DIAPH1: variants seen among roughly 807,000 people sequenced by gnomAD.
The protein encoded by DIAPH1 is protein diaphanous homolog 1.
Under a neutral mutation model 140.7 loss-of-function variants are expected in DIAPH1, and 46 were observed. The ratio of observed to expected loss-of-function variants is 0.33; its 90% CI spans 0.26 to 0.42. The LOEUF is 0.42. Among genes scored for constraint, DIAPH1 ranks in the 10% least tolerant of loss-of-function variants. The probability of loss-of-function intolerance (pLI) is 1.00; values close to 1 mark genes in which losing one functional copy is unlikely to be tolerated. For missense variants in DIAPH1, 1,310 were observed against 1,558.7 expected, an observed-to-expected ratio of 0.84 and a Z score of 2.69; for synonymous variants, 565 against 551.6, an observed-to-expected ratio of 1.02 and a Z score of -0.34.
At chr5:141,573,117 A>C (rs1233992399) in intron 16 of DIAPH1, among the ~76,000 whole-genome samples, 1 of 152,174 alleles carries the variant, frequency 6.6e-6, no homozygotes, top group Non-Finnish European at 1.5e-5. Flanking sequence ...CAAAATACAA[A>C]GTAGAAAACT....
chr5:141,565,771 A>C lies in DIAPH1; in HGVS notation c.2482+5657T>G, dbSNP rs1040320130. Among the ~76,000 whole-genome samples the C allele has an allele frequency of 2.0e-5, 3 of 152,202 alleles. No individual in the cohort carries two copies. The highest frequency in any genetic ancestry group is 4.4e-5 in the Non-Finnish European group (3 of 68,034). On this transcript the variant is annotated intron_variant, in intron 18 of 27. Coordinates refer to ENST00000389054, the MANE Select transcript of DIAPH1 (RefSeq NM_005219.5). This position sits in a 1 kb window ranked among gnomAD's most constrained non-coding sequence, Gnocchi z 4.3. ...GAGTGCCTGGCAGTATCAAGGGCCA[A>C]GCAACTTCACAAATTAAGCAGAGGA...
chr5:141,596,128 G>A (rs2099899282), intron 1 of DIAPH1, among the ~76,000 whole-genome samples: 1 of 152,156 alleles, frequency 6.6e-6, no homozygotes, highest in Non-Finnish European at 1.5e-5. Context: ...AGGAGATCGA[G>A]ACCATCCTGG....
chr5:141,564,903 CA>C (rs2099894143), intron 18 of DIAPH1: 1 of 152,168 alleles, frequency 6.6e-6, no homozygotes, highest in East Asian at 1.9e-4. Flanking sequence ...ACTAAAACAA[CA>C]TATCACTTTT....
chr5:141,571,628 C>G (rs1158172772), intron 17 of DIAPH1, among the ~76,000 whole-genome samples, 192 bp from the exon 18 acceptor site: 1 of 152,188 alleles, frequency 6.6e-6, no homozygotes, highest in Non-Finnish European at 1.5e-5. Flanking sequence ...GTGCCAGAAT[C>G]TGTTCAAAAG....
intron 18 of DIAPH1, among the ~76,000 whole-genome samples, chr5:141,543,740 A>G (rs2099890356): frequency 1.3e-5 from 2 of 152,216 alleles, no homozygotes; most frequent in Admixed American, 1.3e-4. Flanking sequence ...TTCGACTCAC[A>G]ATGGCTTTCA....
chr5:141,564,512 T>A (rs1280266094), intron 18 of DIAPH1: 1 of 152,240 alleles, frequency 6.6e-6, no homozygotes, highest in Non-Finnish European at 1.5e-5. Flanking sequence ...CCCTTAAATC[T>A]CCAATAGTAA....
intron 18 of DIAPH1, among the ~76,000 whole-genome samples, chr5:141,539,793 A>C (rs1213012320): frequency 2.0e-5 from 3 of 151,916 alleles, no homozygotes; most frequent in Non-Finnish European, 4.4e-5. Flanking sequence ...CTACTCTTTC[A>C]TTCTGATTCA....
rs756918018 is a variant in DIAPH1 at position 141,618,763 on chromosome 5, G to T, written c.117+35C>A. 7 of 1,476,990 alleles carry T rather than the reference G, an allele frequency of 4.7e-6. No homozygotes were observed. The East Asian group carries it at 1.8e-4, about 37-fold the overall frequency. 91.5% of individuals were successfully genotyped at this position (1,476,990 alleles called of 1,614,324 possible). A position where few individuals can be genotyped will look rare whatever the true frequency, so the allele number is the denominator to read the frequency against. On this transcript the variant is annotated intron_variant, in intron 1 of 27. Transcript: ENST00000389054. ...TGCAGGGGTCCAGAGGGCGGTTACG[G>T]GGCCAGGCAGGAGCGGGATGGGAGG...
At chr5:141,561,183 T>C (rs772925099) in intron 18 of DIAPH1, among the ~76,000 whole-genome samples, 2 of 152,082 alleles carry the variant, frequency 1.3e-5, no homozygotes, top group East Asian at 1.9e-4. Flanking sequence ...GAGAGTGCCG[T>C]ATCTTCCCAT....
intron 18 of DIAPH1, among the ~76,000 whole-genome samples, chr5:141,568,455 C>T (rs932033554): frequency 1.3e-5 from 2 of 152,096 alleles, no homozygotes; most frequent in African/African-American, 2.4e-5. Flanking sequence ...TATTCTCTGG[C>T]AGGGAATAAG....
intron 1 of DIAPH1, among the ~76,000 whole-genome samples, chr5:141,592,288 CA>C (rs1276553729): frequency 6.6e-6 from 1 of 152,016 alleles, no homozygotes; most frequent in Admixed American, 6.6e-5. Flanking sequence ...ATACAACACT[CA>C]AACAGCAAGC....
At chr5:141,583,135 T>A (rs187353305) in intron 6 of DIAPH1, 71 bp downstream of exon 6, 1 of 1,330,260 alleles carries the variant, frequency 7.5e-7, no homozygotes, top group African/African-American at 1.4e-5. Flanking sequence ...TGCTACTTTC[T>A]CCTTCAGAGC....
At chr5:141,552,867 G>C (rs1462391695) in intron 18 of DIAPH1, among the ~76,000 whole-genome samples, 5 of 152,148 alleles carry the variant, frequency 3.3e-5, no homozygotes, top group Non-Finnish European at 7.4e-5. Context: ...AATGAAACTT[G>C]CTAACACCTT....
chr5:141,570,738 G>T (rs1490075250), intron 18 of DIAPH1, among the ~76,000 whole-genome samples: 1 of 151,964 alleles, frequency 6.6e-6, no homozygotes, highest in Non-Finnish European at 1.5e-5. Flanking sequence ...GCTGGAAGAA[G>T]ATAAAAATAT....
At chr5:141,569,347 T>A (rs1013928277) in intron 18 of DIAPH1, among the ~76,000 whole-genome samples, 1 of 152,232 alleles carries the variant, frequency 6.6e-6, no homozygotes, top group African/African-American at 2.4e-5. Flanking sequence ...TAGTTATCTA[T>A]CATTTAATTA....
intron 14 of DIAPH1, among the ~76,000 whole-genome samples, chr5:141,575,839 G>T (rs552084155): frequency 2.0e-5 from 3 of 152,098 alleles, no homozygotes; most frequent in East Asian, 3.9e-4. Flanking sequence ...CACAATAAAC[G>T]TTCTTAAAAA....
Position 141,573,742 on chromosome 5 carries a change from G to A in DIAPH1, c.2108C>T (p.Pro703Leu), listed in dbSNP as rs762356974. Residue 703 changes from proline to leucine, a missense_variant, in exon 16 of 28, where the codon CCA (proline) becomes CTA (leucine). Coordinates refer to ENST00000389054, the MANE Select transcript of DIAPH1 (RefSeq NM_005219.5). ...PLPGSAGIPP[P>L]PPPLPGEAGM... ...TGCTTCTCCAGGCAAGGGAGGAGGTGGGGGGGGAATTCCAGCACTCCCAGG... is the reference window on the plus strand; with the variant it reads ...TGCTTCTCCAGGCAAGGGAGGAGGTAGGGGGGGAATTCCAGCACTCCCAGG... 20 of 1,528,836 alleles carry A rather than the reference G, an allele frequency of 1.3e-5. No individual in the cohort carries two copies. The highest frequency in any genetic ancestry group is 2.8e-5 in the African/African-American group (2 of 71,600). The allele number at this position is 1,528,836 out of a possible 1,614,324, so 94.7% of individuals were successfully genotyped here.
At chr5:141,525,880 T>C (rs187587012) in intron 26 of DIAPH1, among the ~76,000 whole-genome samples, 158 bp downstream of exon 26, 5 of 152,228 alleles carry the variant, frequency 3.3e-5, no homozygotes, top group African/African-American at 9.6e-5. Flanking sequence ...TGTATCAGAA[T>C]TGGGGTTAAA....
At chr5:141,533,165 C>T (rs1174059272) in intron 19 of DIAPH1, among the ~76,000 whole-genome samples, 1 of 152,200 alleles carries the variant, frequency 6.6e-6, no homozygotes, top group Non-Finnish European at 1.5e-5. Flanking sequence ...CATCACAAGA[C>T]TATGAGTGGG....
Sources: allele counts gnomAD v4.1 joint callset (sites outside exome capture counted in the v4.1 genomes callset), GRCh38; gene constraint gnomAD v4.1.1; non-coding constraint Gnocchi (gnomAD v3.1); transcripts MANE v1.5; gene names NCBI Gene and HGNC (gene_info 2026-07-23, HGNC 2026-07-21).